The following NFIB variants were observed in gnomAD, a reference collection of about 807,000 sequenced individuals.
The protein encoded by NFIB is nuclear factor I B, also known as nuclear factor 1 B-type.
NFIB carries 11 observed loss-of-function variants against 61.5 expected under a neutral mutation model. The ratio of observed to expected loss-of-function variants is 0.18; its 90% CI spans 0.11 to 0.30. NFIB has a LOEUF of 0.30. NFIB is among the 10% of genes least tolerant of loss of function. The pLI, the probability that NFIB is intolerant of heterozygous loss-of-function variation, is 1.00. For missense variants in NFIB, 471 were observed against 608.9 expected (o/e 0.77, Z 2.38); for synonymous variants, 260 against 216.5 (o/e 1.20, Z -1.76).
At chr9:14,481,417 C>CA in the NFIB span, among the ~76,000 whole-genome samples, 13 of 150,444 alleles carry the variant, frequency 8.6e-5, no homozygotes, top group Middle Eastern at 3.4e-3. Context: ...GATTATCTCC[C>CA]AAAAAAACCT....
chr9:14,405,743 A>C, the NFIB span, among the ~76,000 whole-genome samples: 1 of 152,218 alleles, frequency 6.6e-6, no homozygotes, highest in Non-Finnish European at 1.5e-5. Flanking sequence ...GGAAATCAGA[A>C]TGAATAAGAC....
At chr9:14,197,056 G>A (rs902454620) in intron 2 of NFIB, among the ~76,000 whole-genome samples, 1 of 152,106 alleles carries the variant, frequency 6.6e-6, no homozygotes, top group African/African-American at 2.4e-5. Context: ...TACTAAATAT[G>A]ATAAAGATAG....
At chr9:14,450,403 G>A in the NFIB span, among the ~76,000 whole-genome samples, 2 of 152,306 alleles carry the variant, frequency 1.3e-5, no homozygotes, top group South Asian at 4.2e-4. Context: ...TGCCCAAGAA[G>A]CTGAAGTTGA....
chr9:14,514,277 C>T, the NFIB span, among the ~76,000 whole-genome samples: 1 of 151,134 alleles, frequency 6.6e-6, no homozygotes, highest in Non-Finnish European at 1.5e-5. Context: ...CTGAAATTTC[C>T]TAACGCGTAT....
At chr9:14,431,276 T>G in the NFIB span, among the ~76,000 whole-genome samples, 1 of 152,226 alleles carries the variant, frequency 6.6e-6, no homozygotes, top group African/African-American at 2.4e-5. Flanking sequence ...GAACCAGGAC[T>G]GCAAACTTGG....
At chr9:14,454,903 A>G in the NFIB span, among the ~76,000 whole-genome samples, 1 of 152,200 alleles carries the variant, frequency 6.6e-6, no homozygotes, top group Admixed American at 6.5e-5. Flanking sequence ...ACACCAGCAT[A>G]TCCCAGATAG....
At chr9:14,354,119 A>G (rs1480409075) in intron 1 of NFIB, among the ~76,000 whole-genome samples, 1 of 152,134 alleles carries the variant, frequency 6.6e-6, no homozygotes, top group East Asian at 1.9e-4. Flanking sequence ...ACCGCACCCT[A>G]TTTTCTCAGA....
intron 2 of NFIB, among the ~76,000 whole-genome samples, chr9:14,272,196 TC>T (rs939892232): frequency 6.6e-6 from 1 of 152,058 alleles, no homozygotes; most frequent in African/African-American, 2.4e-5. Flanking sequence ...ACCTCTTTTT[TC>T]CCCCACATAT....
chr9:14,512,903 T>A, the NFIB span, among the ~76,000 whole-genome samples: 1 of 150,602 alleles, frequency 6.6e-6, no homozygotes, highest in Non-Finnish European at 1.5e-5. Context: ...GAAAGAATTT[T>A]TCCATAGAAT....
chr9:14,368,860 C>T (rs986240363), intron 1 of NFIB, among the ~76,000 whole-genome samples: 4 of 152,086 alleles, frequency 2.6e-5, no homozygotes, highest in South Asian at 2.1e-4. Flanking sequence ...TTATTGTTCC[C>T]GTGAACTTGT....
At chr9:14,172,224 G>A (rs751329923) in intron 3 of NFIB, among the ~76,000 whole-genome samples, 4 of 152,130 alleles carry the variant, frequency 2.6e-5, no homozygotes, top group Non-Finnish European at 4.4e-5. Flanking sequence ...GCCATGTTAC[G>A]AAGAAGAAGA....
At chr9:14,227,510 C>G (rs2146539) in intron 2 of NFIB, among the ~76,000 whole-genome samples, 94,591 of 152,108 alleles carry the variant, frequency 0.62, 31,828 homozygotes, top group African/African-American at 0.86. Flanking sequence ...GAGAAAGGCA[C>G]ACCTACTTTG....
At chr9:14,129,572 T>C (rs2040152057) in intron 6 of NFIB, among the ~76,000 whole-genome samples, 1 of 152,134 alleles carries the variant, frequency 6.6e-6, no homozygotes, top group African/African-American at 2.4e-5. Context: ...CTAAAAGGCT[T>C]CATGCCAAGG....
intron 1 of NFIB, among the ~76,000 whole-genome samples, chr9:14,348,211 A>C (rs974763328): frequency 6.6e-6 from 1 of 152,210 alleles, no homozygotes; most frequent in Non-Finnish European, 1.5e-5. Context: ...GGGAAGGCAT[A>C]ATTCAATTAT....
intron 2 of NFIB, among the ~76,000 whole-genome samples, chr9:14,190,323 T>G (rs1023073710): frequency 1.2e-4 from 18 of 152,108 alleles, no homozygotes; most frequent in Non-Finnish European, 2.5e-4. Context: ...GATAACAGAG[T>G]AAGATGATGC....
chr9:14,295,578 C>T (rs1429555519), intron 2 of NFIB, among the ~76,000 whole-genome samples: 1 of 152,120 alleles, frequency 6.6e-6, no homozygotes, highest in Admixed American at 6.5e-5. Flanking sequence ...TTACAGTGAG[C>T]CGAGATTGCG....
chr9:14,241,772 T>A (rs1450990255), intron 2 of NFIB, among the ~76,000 whole-genome samples: 1 of 152,130 alleles, frequency 6.6e-6, no homozygotes, highest in Admixed American at 6.6e-5. Flanking sequence ...ATATCAGTAT[T>A]CAATGCAGAA....
intron 2 of NFIB, among the ~76,000 whole-genome samples, chr9:14,199,305 C>T (rs543724346): frequency 1.3e-4 from 20 of 152,306 alleles, no homozygotes; most frequent in African/African-American, 4.6e-4. Context: ...GCCATGTGTC[C>T]TTGGCAGGCA....
chr9:14,370,385 G>GT (rs995591973), intron 1 of NFIB, among the ~76,000 whole-genome samples: 45 of 152,072 alleles, frequency 3.0e-4, no homozygotes, highest in Non-Finnish European at 6.2e-4. Flanking sequence ...GTAGTTAACT[G>GT]TTTTTTTTAG....
Sources: allele counts gnomAD v4.1 joint callset (sites outside exome capture counted in the v4.1 genomes callset), GRCh38; gene constraint gnomAD v4.1.1; transcripts MANE v1.5; gene names NCBI Gene and HGNC (gene_info 2026-07-23, HGNC 2026-07-21).